The following EYA2 variants were observed in gnomAD, a reference collection of about 807,000 sequenced individuals.
The protein encoded by EYA2 is EYA transcriptional coactivator and phosphatase 2.
Under a neutral mutation model 69.2 loss-of-function variants are expected in EYA2, and 31 were observed. That is an observed-to-expected ratio of 0.45 (90% CI 0.34 to 0.60). The LOEUF (loss-of-function observed/expected upper bound fraction) is 0.60, where lower values mean the gene tolerates loss of function less well. EYA2 is among the 20% of genes least tolerant of loss of function. The pLI is 0.02. For synonymous variants in EYA2, 257 were observed against 279.4 expected, an observed-to-expected ratio of 0.92 and a Z score of 0.80; for missense variants, 622 against 701.2, an observed-to-expected ratio of 0.89 and a Z score of 1.28.
intron 9 of EYA2, among the ~76,000 whole-genome samples, chr20:47,104,528 C>T (rs1041128354): frequency 6.6e-6 from 1 of 152,166 alleles, no homozygotes; most frequent in Non-Finnish European, 1.5e-5. Flanking sequence ...CAGAGATTTA[C>T]TCCTGCACTT....
At chr20:47,187,960 TG>T in intron 15 of EYA2, 92 bp from the exon 16 acceptor site, 1 of 1,347,148 alleles carries the variant, frequency 7.4e-7, no homozygotes. Context: ...TAGACTTAAC[TG>T]GGTTGACTTC....
intron 1 of EYA2, among the ~76,000 whole-genome samples, chr20:46,954,896 G>A (rs3091826): frequency 0.9 from 137,152 of 152,152 alleles, 62,516 homozygotes; most frequent in Middle Eastern, 0.97. Flanking sequence ...AAATTTACTC[G>A]AGGTTTTTCA....
intron 9 of EYA2, among the ~76,000 whole-genome samples, chr20:47,117,160 A>C (rs2032919918): frequency 6.6e-6 from 1 of 151,914 alleles, no homozygotes; most frequent in South Asian, 2.1e-4. Flanking sequence ...CCACAGGCGC[A>C]CGCCACCACA....
chr20:47,138,924 A>G (rs1463584604), intron 9 of EYA2, among the ~76,000 whole-genome samples: 5 of 152,184 alleles, frequency 3.3e-5, no homozygotes, highest in African/African-American at 1.2e-4. Flanking sequence ...GTAACATTTT[A>G]TGTGTCTCTA....
intron 10 of EYA2, among the ~76,000 whole-genome samples, chr20:47,156,291 A>T (rs921394248): frequency 1.3e-5 from 2 of 148,510 alleles, no homozygotes; most frequent in South Asian, 4.5e-4. Flanking sequence ...CCAAGATAGC[A>T]CCACTGCACT....
chr20:46,990,118 A>AG lies in EYA2; in HGVS notation c.109+1dup. 1 of 1,585,084 alleles carries AG rather than the reference A, an allele frequency of 6.3e-7. No homozygotes were observed. Among genetic ancestry groups the AG allele is most frequent in the Non-Finnish European group, 8.7e-7 (1 of 1,154,002 alleles). On this transcript the variant is annotated frameshift_variant and splice_region_variant, in exon 2 of 16. Coordinates refer to ENST00000327619, the MANE Select transcript of EYA2 (RefSeq NM_005244.5). LOFTEE classifies it high-confidence loss of function. ...CTGTGTGGACTCTGAGTGACAGACA[A>AG]GGTAGGCTTCCTGCTGTGAGTTTGG...
At chr20:47,074,369 T>C in intron 7 of EYA2, 34 bp downstream of exon 7, 1 of 1,607,096 alleles carries the variant, frequency 6.2e-7, no homozygotes, top group Non-Finnish European at 8.5e-7. Context: ...CATTCATGGC[T>C]GTGGTCTGAG....
At chr20:47,029,094 G>C (rs373586491) in intron 5 of EYA2, among the ~76,000 whole-genome samples, 4 of 152,316 alleles carry the variant, frequency 2.6e-5, no homozygotes, top group African/African-American at 9.6e-5. Context: ...TTTGCTAACT[G>C]TGTTCTCTAT....
At chr20:47,087,309 G>A (rs1231241144) in intron 7 of EYA2, among the ~76,000 whole-genome samples, 1 of 152,194 alleles carries the variant, frequency 6.6e-6, no homozygotes, top group East Asian at 1.9e-4. Context: ...TCCAAGAACT[G>A]GCAATTAGGG....
intron 9 of EYA2, among the ~76,000 whole-genome samples, chr20:47,121,375 G>A (rs2033039256): frequency 6.6e-6 from 1 of 152,170 alleles, no homozygotes; most frequent in Non-Finnish European, 1.5e-5. Flanking sequence ...TTACACGCAT[G>A]AGCCACCGTG....
At chr20:47,075,003 A>C (rs573439844) in intron 7 of EYA2, among the ~76,000 whole-genome samples, 2 of 152,200 alleles carry the variant, frequency 1.3e-5, no homozygotes, top group Non-Finnish European at 2.9e-5. Context: ...CCCAGCTACT[A>C]GGGCGGCTGA....
Position 47,172,313 on chromosome 20 carries a change from G to A in EYA2, c.1038-394G>A, listed in dbSNP as rs547102150. On this transcript the variant is annotated intron_variant, in intron 11 of 15. Transcript: ENST00000327619. ...TAGCCAAGTGTGGTGGCGCACACAC[G>A]AGGAGCCTGTGGGCCCAGCTCCTCG... Among the ~76,000 whole-genome samples, 14 of 151,794 alleles carry A rather than the reference G, an allele frequency of 9.2e-5. No homozygotes were observed. In the East Asian group the frequency reaches 2.0e-3, roughly 21 times the overall value.
rs775373584 is a variant in EYA2, at chr20:47,047,396, C to CTTTTTTTTTTTTT, written c.416-24781_416-24780insTTTTTTTTTTTTT. On this transcript the variant is annotated intron_variant, in intron 5 of 15. Transcript: ENST00000327619. ...TGCTTTATTTTTTGTCTCTCTCTCT[C>CTTTTTTTTTTTTT]TTTTTTTTGAGACAAAGTCTCACTC... is the stretch of plus-strand genomic sequence containing the variant. Among the ~76,000 whole-genome samples, 200 of 148,176 alleles carry CTTTTTTTTTTTTT rather than the reference C, an allele frequency of 1.3e-3. 1 individual carries two copies. Among genetic ancestry groups the CTTTTTTTTTTTTT allele is most frequent in the Middle Eastern group, 3.6e-3 (1 of 274 alleles).
At chr20:46,910,286 G>C (rs960192481) in intron 1 of EYA2, among the ~76,000 whole-genome samples, 24 of 152,192 alleles carry the variant, frequency 1.6e-4, no homozygotes, top group Non-Finnish European at 2.5e-4. Flanking sequence ...AAGAGGAAGA[G>C]AGAAAGAGGC....
chr20:47,028,906 C>T (rs987171172), intron 5 of EYA2, among the ~76,000 whole-genome samples: 3 of 151,714 alleles, frequency 2.0e-5, no homozygotes, highest in East Asian at 1.9e-4. Context: ...CTGGTTATTG[C>T]GATGCCATAG....
chr20:47,034,714 C>T (rs1174582025), intron 5 of EYA2, among the ~76,000 whole-genome samples: 1 of 152,238 alleles, frequency 6.6e-6, no homozygotes, highest in Non-Finnish European at 1.5e-5. Context: ...GCACCACAAT[C>T]TGGGTCACTT....
chr20:46,929,217 G>T (rs543565164), intron 1 of EYA2, among the ~76,000 whole-genome samples: 1 of 151,836 alleles, frequency 6.6e-6, no homozygotes, highest in Admixed American at 6.6e-5. Flanking sequence ...AACCTGGAAG[G>T]AGGAGAGGGC....
intron 9 of EYA2, among the ~76,000 whole-genome samples, chr20:47,118,346 C>G (rs2032960375): frequency 6.6e-6 from 1 of 151,986 alleles, no homozygotes; most frequent in Non-Finnish European, 1.5e-5. Flanking sequence ...TTCTTTGCAG[C>G]ACGGCTGGGA....
At chr20:47,096,307 A>G (rs981242455) in intron 8 of EYA2, among the ~76,000 whole-genome samples, 1 of 152,234 alleles carries the variant, frequency 6.6e-6, no homozygotes, top group African/African-American at 2.4e-5. Context: ...ATTACTAGTT[A>G]CCAACTTTTA....
Sources: gnomAD v4.1 joint callset for allele counts (sites outside exome capture counted in the v4.1 genomes callset) on GRCh38, gnomAD v4.1.1 for gene constraint, MANE v1.5 for transcripts, NCBI Gene and HGNC (gene_info 2026-07-23, HGNC 2026-07-21) for gene names.